The following THOC3 variants were observed in gnomAD, a reference collection of about 807,000 sequenced individuals.
THOC3 encodes TEX1 homolog.
THOC3 carries 4 observed loss-of-function variants against 23.3 expected under a neutral mutation model. The ratio of observed to expected loss-of-function variants is 0.17; its 90% CI spans 0.08 to 0.39. The LOEUF (loss-of-function observed/expected upper bound fraction) is 0.39, where lower values mean the gene tolerates loss of function less well. Among genes scored for constraint, THOC3 ranks in the 10% least tolerant of loss-of-function variants. The probability of loss-of-function intolerance (pLI) is 1.00; values close to 1 mark genes in which losing one functional copy is unlikely to be tolerated. For missense variants in THOC3, 64 were observed against 359.4 expected, an observed-to-expected ratio of 0.18 and a Z score of 6.65; for synonymous variants, 27 against 141.5, an observed-to-expected ratio of 0.19 and a Z score of 5.74.
chr5:175,965,160 G>A lies in THOC3; in HGVS notation c.425-5C>T, dbSNP rs750643747. 10 of 1,605,494 alleles carry A rather than the reference G, an allele frequency of 6.2e-6. No individual in the cohort carries two copies. The highest frequency in any genetic ancestry group is 1.1e-5 in the South Asian group (1 of 89,432). On this transcript the variant is annotated splice_region_variant and splice_polypyrimidine_tract_variant and intron_variant, in intron 2 of 5. Coordinates refer to ENST00000265097, the MANE Select transcript of THOC3 (RefSeq NM_032361.4). ...AGCAGATATTAATGTTCTCCCCTGG[G>A]AACCCAGACATAATCAGCAAGATAA...
At chr5:175,963,271 A>T (rs1756700693) in intron 3 of THOC3, among the ~76,000 whole-genome samples, 2 of 152,284 alleles carry the variant, frequency 1.3e-5, no homozygotes, top group African/African-American at 4.8e-5. Context: ...GCAAAAGCCA[A>T]ACTGGGAGAA....
rs1310240405 is a variant in THOC3 at position 175,960,437 on chromosome 5, C to A, written c.893-305G>T. ...TGGCTGGATGCTGGACAATGTTCAC[C>A]ACAACGTGACTAACAGGGGCATGCA... On this transcript the variant is annotated intron_variant, in intron 5 of 5. Transcript: ENST00000265097. 4.9e-5 allele frequency: 16 copies of A among 323,486 alleles called. 2 individuals are homozygous for A. Among genetic ancestry groups the A allele is most frequent in the African/African-American group, 3.5e-4 (16 of 46,206 alleles). The allele number at this position is 323,486 out of a possible 1,614,324, so 20.0% of individuals were successfully genotyped here. A position where few individuals can be genotyped will look rare whatever the true frequency, so the allele number is the denominator to read the frequency against.
At position 175,965,172 on chromosome 5, in the gene THOC3, A is replaced by C. The variant is rs1487497817; in HGVS notation, c.425-17T>G. ...TGTTCTCCCCTGGGAACCCAGACAT[A>C]ATCAGCAAGATAATCTGTTTGCTCA... is the stretch of plus-strand genomic sequence containing the variant. On this transcript the variant is annotated splice_polypyrimidine_tract_variant and intron_variant, in intron 2 of 5. Coordinates refer to ENST00000265097, the MANE Select transcript of THOC3 (RefSeq NM_032361.4). 6.2e-7 allele frequency: 1 copy of C among 1,610,048 alleles called. No individual in the cohort carries two copies. Among genetic ancestry groups the C allele is most frequent in the East Asian group, 2.2e-5 (1 of 44,876 alleles).
At chr5:175,963,468 C>T (rs1166786271) in intron 3 of THOC3, among the ~76,000 whole-genome samples, 3 of 145,520 alleles carry the variant, frequency 2.1e-5, no homozygotes, top group South Asian at 2.2e-4. Context: ...ATAGTGTTTG[C>T]TTTTGTGGAA....
At chr5:175,962,600 C>A (rs1468009275) in intron 3 of THOC3, among the ~76,000 whole-genome samples, 5 of 145,836 alleles carry the variant, frequency 3.4e-5, no homozygotes, top group Non-Finnish European at 7.5e-5. Context: ...TCTAAACTTA[C>A]TACAACCTCC....
At chr5:175,961,843 T>C (rs1756664814) in intron 3 of THOC3, among the ~76,000 whole-genome samples, 1 of 152,072 alleles carries the variant, frequency 6.6e-6, no homozygotes, top group South Asian at 2.1e-4. Context: ...ATAAGCACAA[T>C]AACGTTTTAT....
At chr5:175,961,821 A>G (rs1328287176) in intron 3 of THOC3, among the ~76,000 whole-genome samples, 3 of 152,136 alleles carry the variant, frequency 2.0e-5, no homozygotes, top group Admixed American at 1.3e-4. Context: ...TTCAAATATA[A>G]TGATACAAAC....
chr5:175,960,374 C>T (rs1198297776), intron 5 of THOC3: 4 of 243,508 alleles, frequency 1.6e-5, no homozygotes, highest in Admixed American at 5.1e-5. Flanking sequence ...AAAGTGTCTC[C>T]GCGTCACAGG....
chr5:175,962,637 G>T (rs1466096416), intron 3 of THOC3, among the ~76,000 whole-genome samples: 2 of 142,708 alleles, frequency 1.4e-5, no homozygotes, highest in Non-Finnish European at 3.0e-5. Flanking sequence ...CGATTCTCCT[G>T]CCTCAGTCTG....
rs530754052 is a variant in THOC3, at chr5:175,965,245, T to C, written c.425-90A>G. The C allele has an allele frequency of 3.2e-5, 51 of 1,570,944 alleles. No homozygotes were observed. In the East Asian group the frequency reaches 1.0e-3, roughly 31 times the overall value. On this transcript the variant is annotated intron_variant, in intron 2 of 5. Coordinates refer to ENST00000265097, the MANE Select transcript of THOC3 (RefSeq NM_032361.4). ...ACTATCCTAGAAAGAAGACCAGAGC[T>C]TTCTTCCGGGCTTACTCATTAAAGT...
intron 2 of THOC3, among the ~76,000 whole-genome samples, chr5:175,966,592 T>C (rs1374954944): frequency 8.9e-5 from 5 of 56,214 alleles, no homozygotes; most frequent in Non-Finnish European, 2.2e-4. Flanking sequence ...CAATGAAAAC[T>C]CAGAGTCCCA....
chr5:175,962,848 T>G (rs1228151165), intron 3 of THOC3, among the ~76,000 whole-genome samples: 1 of 149,284 alleles, frequency 6.7e-6, no homozygotes, highest in Non-Finnish European at 1.5e-5. Flanking sequence ...ATGTTCTGAT[T>G]AAAGGTCTGG....
intron 2 of THOC3, among the ~76,000 whole-genome samples, chr5:175,965,425 T>C (rs1469479500): frequency 5.3e-5 from 8 of 152,336 alleles, no homozygotes; most frequent in South Asian, 2.1e-4. Context: ...ATGAAGGAAA[T>C]AGGAGATAAG....
chr5:175,963,410 G>A (rs1222956944), intron 3 of THOC3, among the ~76,000 whole-genome samples: 6 of 152,122 alleles, frequency 3.9e-5, no homozygotes, highest in Non-Finnish European at 8.8e-5. Context: ...GTATCTAGGG[G>A]CTGCACATGT....
intron 3 of THOC3, among the ~76,000 whole-genome samples, chr5:175,964,401 C>T (rs1158944813): frequency 2.0e-5 from 3 of 152,262 alleles, no homozygotes; most frequent in Admixed American, 6.5e-5. Flanking sequence ...GGCTAATCAC[C>T]TGAGGTCGGG....
intron 5 of THOC3, chr5:175,960,773 G>A (rs1379112339): frequency 2.0e-6 from 1 of 511,920 alleles, no homozygotes; most frequent in Non-Finnish European, 3.5e-6. Flanking sequence ...TAGAGAGTGG[G>A]ACCCCAAGTG....
In THOC3 at chr5:175,965,104, C is replaced by T; in HGVS notation, c.476G>A (p.Gly159Asp). 6.4e-7 allele frequency: 1 copy of T among 1,561,128 alleles called. No individual in the cohort carries two copies. The part of the protein sequence containing the change: ...WSPDGQTIAV[G>D]NKDDVVTFID... The stretch of plus-strand genomic sequence containing the variant: ...AAAGGTCACCACATCATCCTTGTTG[C>T]CTACAGCAATGGTCTGCCCATCAGG... Residue 159 changes from glycine (G) to aspartate (D), a missense_variant, in exon 3 of 6, where the codon GGC (glycine) becomes GAC (aspartate). By Grantham distance (94) the Gly-to-Asp change is moderately conservative. Coordinates refer to ENST00000265097, the MANE Select transcript of THOC3 (RefSeq NM_032361.4).
chr5:175,966,117 C>T (rs1756762100), intron 2 of THOC3, among the ~76,000 whole-genome samples: 1 of 150,472 alleles, frequency 6.6e-6, no homozygotes, highest in East Asian at 1.9e-4. Flanking sequence ...CAGGTGGAGG[C>T]TGCAGGGAGC....
At chr5:175,964,580 C>T (rs1756729615) in intron 3 of THOC3, among the ~76,000 whole-genome samples, 1 of 149,382 alleles carries the variant, frequency 6.7e-6, no homozygotes, top group African/African-American at 2.5e-5. Flanking sequence ...CACACCATTG[C>T]ACTGCAGCCT....
Sources: allele counts gnomAD v4.1 joint callset (sites outside exome capture counted in the v4.1 genomes callset), GRCh38; gene constraint gnomAD v4.1.1; transcripts MANE v1.5; gene names NCBI Gene and HGNC (gene_info 2026-07-23, HGNC 2026-07-21).